ZMYM4: variants seen among roughly 807,000 people sequenced by gnomAD.
The protein encoded by ZMYM4 is zinc finger MYM-type containing 4, also known as zinc finger MYM-type protein 4.
In ZMYM4, 31 loss-of-function variants were observed where a neutral mutation model predicts 183.2. The observed-to-expected ratio is 0.17, with a 90% CI of 0.13 to 0.23. The LOEUF is 0.23. ZMYM4 is among the 10% of genes least tolerant of loss of function. ZMYM4 has a pLI of 1.00. For synonymous variants in ZMYM4, 592 were observed against 631.2 expected, an observed-to-expected ratio of 0.94 and a Z score of 0.93; for missense variants, 1,273 against 1,840.3, an observed-to-expected ratio of 0.69 and a Z score of 5.64.
chr1:35,356,372 C>G (rs1290731261), intron 2 of ZMYM4, among the ~76,000 whole-genome samples: 1 of 152,146 alleles, frequency 6.6e-6, no homozygotes, highest in African/African-American at 2.4e-5. Context: ...AGAGCACATG[C>G]TATGTGGTCA....
intron 1 of ZMYM4, among the ~76,000 whole-genome samples, chr1:35,294,199 A>C (rs1640900004): frequency 6.6e-6 from 1 of 151,936 alleles, no homozygotes; most frequent in African/African-American, 2.4e-5. Context: ...TTTTCTCTTG[A>C]AATTGACTGT....
chr1:35,274,215 G>A (rs1004432521), intron 1 of ZMYM4, among the ~76,000 whole-genome samples: 1 of 152,074 alleles, frequency 6.6e-6, no homozygotes, highest in Non-Finnish European at 1.5e-5. Context: ...TTGACTCTTT[G>A]TTTAGAGACC....
intron 1 of ZMYM4, among the ~76,000 whole-genome samples, chr1:35,304,885 C>T (rs1324728737): frequency 6.6e-6 from 1 of 151,730 alleles, no homozygotes; most frequent in African/African-American, 2.4e-5. Context: ...CTTGCTCTGT[C>T]CCCAGGCTGG....
intron 1 of ZMYM4, 52 bp downstream of exon 1, chr1:35,269,137 G>C (rs1294593439): frequency 6.5e-7 from 1 of 1,541,310 alleles, no homozygotes; most frequent in Admixed American, 2.0e-5. Flanking sequence ...CGCGGCCCGG[G>C]GCCGGGAATG....
chr1:35,302,824 CT>C (rs1641352220), intron 1 of ZMYM4, among the ~76,000 whole-genome samples: 1 of 151,970 alleles, frequency 6.6e-6, no homozygotes, highest in African/African-American at 2.4e-5. Context: ...CCCAGTCTGG[CT>C]TTTGCATTTT....
chr1:35,365,212 G>GAGCCA (rs1320903499), intron 5 of ZMYM4, among the ~76,000 whole-genome samples: 2 of 151,000 alleles, frequency 1.3e-5, no homozygotes, highest in Non-Finnish European at 2.9e-5. Context: ...GGCCAGGAAG[G>GAGCCA]AGCCAATCTG....
At chr1:35,272,002 T>G (rs2148662464) in intron 1 of ZMYM4, among the ~76,000 whole-genome samples, 1 of 152,322 alleles carries the variant, frequency 6.6e-6, no homozygotes, top group South Asian at 2.1e-4. Context: ...TATTTTTTGA[T>G]CCATAATTCA....
intron 20 of ZMYM4, 119 bp from the exon 21 acceptor site, chr1:35,398,294 A>G (rs1393384904): frequency 1.2e-6 from 1 of 814,106 alleles, no homozygotes; most frequent in Non-Finnish European, 1.9e-6. Flanking sequence ...CTTTCTGCAT[A>G]TGAAATCTAT....
At chr1:35,277,998 T>G (rs145804511) in intron 1 of ZMYM4, among the ~76,000 whole-genome samples, 2 of 152,308 alleles carry the variant, frequency 1.3e-5, no homozygotes, top group East Asian at 1.9e-4. Flanking sequence ...CTTGGTAGCT[T>G]AAAACATCAG....
At chr1:35,287,361 TATA>T (rs1349426821) in intron 1 of ZMYM4, among the ~76,000 whole-genome samples, 1 of 151,478 alleles carries the variant, frequency 6.6e-6, no homozygotes, top group African/African-American at 2.4e-5. Flanking sequence ...GCCACTGGCT[TATA>T]GTAGTAGTTT....
At chr1:35,388,345 C>T (rs1466419373) in intron 13 of ZMYM4, among the ~76,000 whole-genome samples, 2 of 152,146 alleles carry the variant, frequency 1.3e-5, no homozygotes, top group Non-Finnish European at 2.9e-5. Context: ...GCTGGGACTA[C>T]AGGCACCCGC....
At chr1:35,404,792 GATT>G (rs1644972233) in intron 23 of ZMYM4, 1 of 359,248 alleles carries the variant, frequency 2.8e-6, no homozygotes, top group African/African-American at 2.1e-5. Flanking sequence ...AAATGTTAGT[GATT>G]ATTACAGTGT....
At chr1:35,360,989 G>A (rs1240949498) in intron 3 of ZMYM4, among the ~76,000 whole-genome samples, 1 of 150,698 alleles carries the variant, frequency 6.6e-6, no homozygotes, top group African/African-American at 2.4e-5. Context: ...AAAATGTAGG[G>A]TAAGGCTAAA....
At chr1:35,415,812 A>G (rs1241399210) in intron 28 of ZMYM4, 98 bp downstream of exon 28, 5 of 1,443,992 alleles carry the variant, frequency 3.5e-6, no homozygotes, top group Non-Finnish European at 4.6e-6. Flanking sequence ...GCTAGACGTG[A>G]AAGAGTGTAC....
At chr1:35,335,425 C>T (rs933686603) in intron 2 of ZMYM4, among the ~76,000 whole-genome samples, 21 of 151,996 alleles carry the variant, frequency 1.4e-4, no homozygotes, top group African/African-American at 4.6e-4. Flanking sequence ...TTAGTAGAGA[C>T]GAGGTTTCAC....
chr1:35,304,086 A>G (rs1440555734), intron 1 of ZMYM4, among the ~76,000 whole-genome samples: 2 of 151,402 alleles, frequency 1.3e-5, no homozygotes, highest in Admixed American at 6.6e-5. Context: ...GTGCAATGCC[A>G]TGATCTTGGC....
intron 2 of ZMYM4, among the ~76,000 whole-genome samples, chr1:35,339,628 A>C (rs1643123386): frequency 6.6e-6 from 1 of 152,164 alleles, no homozygotes; most frequent in Non-Finnish European, 1.5e-5. Flanking sequence ...AGACTTGAGC[A>C]TCTGTGGGTT....
intron 1 of ZMYM4, among the ~76,000 whole-genome samples, chr1:35,312,807 G>A (rs1304651105): frequency 1.4e-5 from 2 of 145,388 alleles, no homozygotes; most frequent in South Asian, 2.4e-4. Flanking sequence ...TGCAACCTCC[G>A]CCTCCCAGGT....
At chr1:35,293,937 C>T (rs1363771244) in intron 1 of ZMYM4, among the ~76,000 whole-genome samples, 1 of 152,026 alleles carries the variant, frequency 6.6e-6, no homozygotes, top group African/African-American at 2.4e-5. Flanking sequence ...AGATCGAGAC[C>T]ATCCTGGCTA....
Sources: gnomAD v4.1 joint callset for allele counts (sites outside exome capture counted in the v4.1 genomes callset) on GRCh38, gnomAD v4.1.1 for gene constraint, MANE v1.5 for transcripts, NCBI Gene and HGNC (gene_info 2026-07-23, HGNC 2026-07-21) for gene names.